C7: variants seen among roughly 807,000 people sequenced by gnomAD.
C7 encodes the protein complement C7.
C7 carries 83 observed loss-of-function variants against 104.8 expected under a neutral mutation model. The ratio of observed to expected loss-of-function variants is 0.79; its 90% CI spans 0.66 to 0.95. C7 has a LOEUF of 0.95. Among genes scored for constraint, C7 ranks in the 40% least tolerant of loss-of-function variants. The pLI is 0.00. For synonymous variants in C7, 415 were observed against 360.6 expected (o/e 1.15, Z -1.71); for missense variants, 1,070 against 1,011.2 (o/e 1.06, Z -0.79).
intron 1 of C7, among the ~76,000 whole-genome samples, chr5:40,925,061 C>T (rs1001891353): frequency 9.2e-5 from 14 of 152,202 alleles, no homozygotes; most frequent in Admixed American, 8.5e-4. Flanking sequence ...AATTCCTCTC[C>T]TGATGATCCT....
At chr5:40,915,366 C>A (rs1305024507) in intron 1 of C7, among the ~76,000 whole-genome samples, 1 of 152,132 alleles carries the variant, frequency 6.6e-6, no homozygotes, top group Admixed American at 6.6e-5. Context: ...CCACTCCTCC[C>A]TCATTACAAG....
chr5:40,955,286 C>A, intron 9 of C7, 101 bp from the exon 10 acceptor site: 1 of 1,070,700 alleles, frequency 9.3e-7, no homozygotes, highest in Non-Finnish European at 1.4e-6. Flanking sequence ...TATCTTTTGA[C>A]TGTTTCCATA....
At chr5:40,911,572 G>A (rs1481181916) in intron 1 of C7, among the ~76,000 whole-genome samples, 2 of 152,198 alleles carry the variant, frequency 1.3e-5, no homozygotes, top group Non-Finnish European at 1.5e-5. Context: ...TGATGGTCAA[G>A]CACAGTAATG....
At position 40,966,402 on chromosome 5, in the gene C7, C is replaced by A. The variant is rs202232379; in HGVS notation, c.1882+1529C>A. Reference sequence around the variant, plus strand: ...TTTTTTTTTTTTTGAGATGGAGTCTCTCTCTGTTGCCCAAGCTGGAGTGCA... The same window carrying A: ...TTTTTTTTTTTTTGAGATGGAGTCTATCTCTGTTGCCCAAGCTGGAGTGCA... On this transcript the variant is annotated intron_variant, in intron 14 of 17. Coordinates refer to ENST00000313164, the MANE Select transcript of C7 (RefSeq NM_000587.4). Among the ~76,000 whole-genome samples, 5 of 150,936 alleles carry A rather than the reference C, an allele frequency of 3.3e-5. No individual in the cohort carries two copies. The East Asian group carries it at 9.7e-4, about 29-fold the overall frequency.
rs544445873 is a variant in C7, at chr5:40,979,260, G to C, written c.2166-465G>C. 5.5e-4 allele frequency among the ~76,000 whole-genome samples: 83 copies of C among 152,222 alleles called. 1 individual carries two copies. Among genetic ancestry groups the C allele is most frequent in the Admixed American group, 2.8e-3 (43 of 15,290 alleles). ...TTTCATCTTCCCGTGATGATTTAGG[G>C]TCATCCATTTTTGGACAATGCAGTT... On this transcript the variant is annotated intron_variant, in intron 16 of 17. Transcript: ENST00000313164.
intron 14 of C7, among the ~76,000 whole-genome samples, chr5:40,971,239 C>T (rs1157561335): frequency 6.6e-6 from 1 of 152,222 alleles, no homozygotes; most frequent in Non-Finnish European, 1.5e-5. Context: ...ACATCCCCAC[C>T]AGCATCTGTT....
intron 15 of C7, among the ~76,000 whole-genome samples, chr5:40,976,304 T>C (rs941224818): frequency 6.6e-6 from 1 of 152,166 alleles, no homozygotes; most frequent in Non-Finnish European, 1.5e-5. Flanking sequence ...CAACAAACAG[T>C]TTATAAGCAC....
At chr5:40,910,508 T>A (rs1739184680) in intron 1 of C7, among the ~76,000 whole-genome samples, 1 of 152,164 alleles carries the variant, frequency 6.6e-6, no homozygotes, top group Non-Finnish European at 1.5e-5. Flanking sequence ...GATTAAGCCA[T>A]GCCTTCTGTG....
At chr5:40,951,904 C>A (rs931237741) in intron 9 of C7, among the ~76,000 whole-genome samples, 2 of 152,132 alleles carry the variant, frequency 1.3e-5, no homozygotes, top group Non-Finnish European at 2.9e-5. Context: ...TTTATGGAGT[C>A]TGTGGTATGT....
At chr5:40,932,509 A>T (rs1029788063) in intron 3 of C7, among the ~76,000 whole-genome samples, 3 of 152,172 alleles carry the variant, frequency 2.0e-5, no homozygotes. Flanking sequence ...TTAAAATAAC[A>T]GAATCATACC....
At chr5:40,976,420 C>T (rs1160706115) in intron 15 of C7, among the ~76,000 whole-genome samples, 1 of 152,152 alleles carries the variant, frequency 6.6e-6, no homozygotes, top group African/African-American at 2.4e-5. Flanking sequence ...CACCAACTTC[C>T]TAACTCTTTT....
chr5:40,957,446 CTATTTTATTTTATTT>C lies in C7; in HGVS notation c.1261-575_1261-561del, dbSNP rs200502275. Among the ~76,000 whole-genome samples, 363 of 151,882 alleles carry C rather than the reference CTATTTTATTTTATTT, an allele frequency of 2.4e-3. 6 individuals are homozygous for C. In the East Asian group the frequency reaches 0.061, roughly 26 times the overall value. ...TTGCTGTAACTAGAAAATGAATGTC[CTATTTTATTTTATTT>C]TATTTTATTTTGAGATGGAGTTTCA... On this transcript the variant is annotated intron_variant, in intron 10 of 17. Coordinates refer to ENST00000313164, the MANE Select transcript of C7 (RefSeq NM_000587.4).
intron 1 of C7, among the ~76,000 whole-genome samples, chr5:40,919,790 TAAAC>T (rs895744479): frequency 1.3e-5 from 2 of 151,852 alleles, no homozygotes; most frequent in African/African-American, 2.4e-5. Context: ...TATCTTAAGA[TAAAC>T]AAAAATGGAA....
chr5:40,961,199 T>C (rs1184928984), intron 12 of C7, among the ~76,000 whole-genome samples: 1 of 152,220 alleles, frequency 6.6e-6, no homozygotes, highest in Non-Finnish European at 1.5e-5. Context: ...TTCATAATCT[T>C]GGACAAGTTA....
intron 6 of C7, among the ~76,000 whole-genome samples, chr5:40,943,438 T>C (rs1739981421): frequency 6.6e-6 from 1 of 152,092 alleles, no homozygotes; most frequent in South Asian, 2.1e-4. Flanking sequence ...CCACACCACT[T>C]TGAGAAAGAT....
intron 15 of C7, among the ~76,000 whole-genome samples, chr5:40,975,775 T>C (rs957554604): frequency 6.6e-6 from 1 of 152,252 alleles, no homozygotes; most frequent in South Asian, 2.1e-4. Flanking sequence ...GATTGTAATG[T>C]CATGTCCAAG....
At chr5:40,968,590 ATATATATATATTTTTTTTTTTTTTTT>A (rs1418282311) in intron 14 of C7, among the ~76,000 whole-genome samples, 38 of 43,856 alleles carry the variant, frequency 8.7e-4, no homozygotes, top group African/African-American at 2.4e-3. Flanking sequence ...ATATATATAT[ATATATATATATTTTTTTTTTTTTTTT>A]TTTTTTTTTT....
chr5:40,974,319 A>C (rs1442654290), intron 15 of C7, among the ~76,000 whole-genome samples: 1 of 152,148 alleles, frequency 6.6e-6, no homozygotes, highest in African/African-American at 2.4e-5. Context: ...TTGGTTAACC[A>C]AGCTGTAAAG....
chr5:40,966,452 A>G (rs1052693899), intron 14 of C7, among the ~76,000 whole-genome samples: 1 of 150,078 alleles, frequency 6.7e-6, no homozygotes, highest in African/African-American at 2.5e-5. Context: ...GCTCACTGCA[A>G]CCTCTGCCTC....
Sources: gnomAD v4.1 joint callset for allele counts (sites outside exome capture counted in the v4.1 genomes callset) on GRCh38, gnomAD v4.1.1 for gene constraint, MANE v1.5 for transcripts, NCBI Gene and HGNC (gene_info 2026-07-23, HGNC 2026-07-21) for gene names.